NRG3: variants seen among roughly 807,000 people sequenced by gnomAD.
The protein encoded by NRG3 is pro-neuregulin-3, membrane-bound isoform.
Under a neutral mutation model 66.9 loss-of-function variants are expected in NRG3, and 31 were observed. That is an observed-to-expected ratio of 0.46 (90% confidence interval 0.35 to 0.63). The LOEUF is 0.63. Among genes scored for constraint, NRG3 ranks in the 20% least tolerant of loss-of-function variants. The pLI, the probability that NRG3 is intolerant of heterozygous loss-of-function variation, is 0.00. For synonymous variants in NRG3, 393 were observed against 359.4 expected (o/e 1.09, Z -1.06); for missense variants, 910 against 878.9 (o/e 1.04, Z -0.45).
chr10:82,098,299 CAT>C (rs530097525), intron 1 of NRG3, among the ~76,000 whole-genome samples: 8 of 150,284 alleles, frequency 5.3e-5, no homozygotes, highest in East Asian at 3.9e-4. Context: ...ATATATATGT[CAT>C]ATATATAGAT....
chr10:82,443,179 A>G (rs1311568124), intron 2 of NRG3, among the ~76,000 whole-genome samples: 2 of 151,448 alleles, frequency 1.3e-5, no homozygotes, highest in South Asian at 2.1e-4. Context: ...GCCCTGGGAC[A>G]ACTTCTGTGA....
chr10:82,037,591 T>TTTTTAGTTAGAC (rs2062844026), intron 1 of NRG3, among the ~76,000 whole-genome samples: 1 of 152,168 alleles, frequency 6.6e-6, no homozygotes, highest in Non-Finnish European at 1.5e-5. Flanking sequence ...AAACTCATGG[T>TTTTTAGTTAGAC]CTTTTAAACA....
chr10:82,329,791 G>C (rs1430980323), intron 1 of NRG3, among the ~76,000 whole-genome samples: 1 of 152,094 alleles, frequency 6.6e-6, no homozygotes, highest in African/African-American at 2.4e-5. Flanking sequence ...ATGTCATCAT[G>C]TAAAATAGAC....
intron 2 of NRG3, among the ~76,000 whole-genome samples, chr10:82,502,973 G>A (rs910689814): frequency 6.6e-6 from 1 of 152,092 alleles, no homozygotes; most frequent in Non-Finnish European, 1.5e-5. Context: ...AATTTGATTT[G>A]TCTGATATGT....
At chr10:82,209,998 A>G (rs1428928822) in intron 1 of NRG3, among the ~76,000 whole-genome samples, 1 of 152,148 alleles carries the variant, frequency 6.6e-6, no homozygotes, top group African/African-American at 2.4e-5. Flanking sequence ...TTCAATTAAA[A>G]TTTGTGTTAA....
chr10:81,900,084 T>C (rs1040843577), intron 1 of NRG3, among the ~76,000 whole-genome samples: 1 of 152,050 alleles, frequency 6.6e-6, no homozygotes, highest in African/African-American at 2.4e-5. Context: ...GTAGCTGGGA[T>C]TGCAGGCGCC....
intron 2 of NRG3, among the ~76,000 whole-genome samples, chr10:82,458,536 G>A (rs2347883): frequency 0.014 from 2,092 of 152,228 alleles, 34 homozygotes; most frequent in Non-Finnish European, 0.021. Flanking sequence ...GAAGAGAGAT[G>A]TCACTGGAGA....
intron 4 of NRG3, among the ~76,000 whole-genome samples, chr10:82,937,805 A>G (rs1194646822): frequency 6.6e-6 from 1 of 152,188 alleles, no homozygotes; most frequent in Non-Finnish European, 1.5e-5. Context: ...GCATATTGTT[A>G]GGTTAAAATT....
intron 1 of NRG3, among the ~76,000 whole-genome samples, chr10:82,097,727 CTTG>C (rs901957659): frequency 2.0e-5 from 3 of 151,790 alleles, no homozygotes; most frequent in African/African-American, 7.3e-5. Context: ...AGTGAGAGTT[CTTG>C]TTGTGCCACA....
At chr10:82,806,509 C>T (rs757981099) in intron 3 of NRG3, among the ~76,000 whole-genome samples, 11 of 152,308 alleles carry the variant, frequency 7.2e-5, no homozygotes, top group South Asian at 4.1e-4. Flanking sequence ...CTTCTACTCA[C>T]GGACCTACAA....
At chr10:81,980,366 C>G (rs998241071) in intron 1 of NRG3, among the ~76,000 whole-genome samples, 28 of 152,146 alleles carry the variant, frequency 1.8e-4, no homozygotes, top group African/African-American at 6.8e-4. Context: ...ATTATTATAT[C>G]TGTAATGCCT....
intron 2 of NRG3, among the ~76,000 whole-genome samples, chr10:82,486,830 A>G (rs1842721313): frequency 6.6e-6 from 1 of 152,134 alleles, no homozygotes; most frequent in South Asian, 2.1e-4. Flanking sequence ...TCACAGAAGG[A>G]CAAATGCTAT....
chr10:82,133,654 T>C (rs927007870), intron 1 of NRG3, among the ~76,000 whole-genome samples: 4 of 152,172 alleles, frequency 2.6e-5, no homozygotes, highest in Non-Finnish European at 5.9e-5. Context: ...CTTTATATTG[T>C]CTATCATCAG....
intron 4 of NRG3, among the ~76,000 whole-genome samples, chr10:82,929,355 C>T (rs1447967430): frequency 6.6e-6 from 1 of 152,076 alleles, no homozygotes; most frequent in East Asian, 1.9e-4. Context: ...ATTTCTATGT[C>T]CTAAGGGATG....
At chr10:81,876,461 A>T (rs1322904807) in intron 1 of NRG3, among the ~76,000 whole-genome samples, 1 of 152,134 alleles carries the variant, frequency 6.6e-6, no homozygotes, top group Non-Finnish European at 1.5e-5. Context: ...GGTTAACGCG[A>T]GTGCGATCCC....
intron 1 of NRG3, among the ~76,000 whole-genome samples, chr10:82,099,238 A>G (rs1392853485): frequency 1.3e-5 from 2 of 152,204 alleles, no homozygotes; most frequent in African/African-American, 4.8e-5. Context: ...TTACACTTAC[A>G]ACTATCAAAA....
At chr10:82,799,430 G>A (rs796782499) in intron 3 of NRG3, among the ~76,000 whole-genome samples, 22 of 151,528 alleles carry the variant, frequency 1.5e-4, no homozygotes, top group African/African-American at 4.4e-4. Flanking sequence ...GGAGGCTGAG[G>A]CAGGAGAGTC....
At chr10:82,389,833 T>C (rs2086234328) in intron 2 of NRG3, among the ~76,000 whole-genome samples, 1 of 152,058 alleles carries the variant, frequency 6.6e-6, no homozygotes, top group South Asian at 2.1e-4. Context: ...ACATGTAGAG[T>C]CTGACTTTAT....
chr10:82,813,887 ACG>A (rs2061598799), intron 3 of NRG3, among the ~76,000 whole-genome samples: 2 of 152,152 alleles, frequency 1.3e-5, no homozygotes, highest in Admixed American at 1.3e-4. Flanking sequence ...ATGACTTGGA[ACG>A]TGTGTACACA....
Sources: gnomAD v4.1 joint callset for allele counts (sites outside exome capture counted in the v4.1 genomes callset) on GRCh38, gnomAD v4.1.1 for gene constraint, MANE v1.5 for transcripts, NCBI Gene and HGNC (gene_info 2026-07-23, HGNC 2026-07-21) for gene names.